Variants in TRAK1 observed in about 807,000 individuals in gnomAD.
TRAK1 encodes the protein trafficking kinesin protein 1, also known as trafficking kinesin-binding protein 1.
In TRAK1, 33 loss-of-function variants were observed where a neutral mutation model predicts 92.1. The observed-to-expected ratio is 0.36, with a 90% CI of 0.27 to 0.48. The LOEUF is 0.48. Ranked by LOEUF, TRAK1 falls within the 20% of genes least tolerant of loss-of-function variation. The pLI, the probability that TRAK1 is intolerant of heterozygous loss-of-function variation, is 0.99. For missense variants in TRAK1, 1,123 were observed against 1,257.9 expected (o/e 0.89, Z 1.62); for synonymous variants, 521 against 517.3 (o/e 1.01, Z -0.10).
chr3:42,086,345 G>T (rs1704675607), upstream of TRAK1, among the ~76,000 whole-genome samples: 1 of 139,110 alleles, frequency 7.2e-6, no homozygotes, highest in Non-Finnish European at 1.5e-5. Context: ...TCACTCTGTT[G>T]CCCAGACTGG....
rs202110753 is a variant in TRAK1 at position 42,131,752 on chromosome 3, AT to A, written c.286+6141del. Among the ~76,000 whole-genome samples the A allele has an allele frequency of 6.5e-3, 951 of 146,614 alleles. 6 individuals are homozygous for A. Among genetic ancestry groups the A allele is most frequent in the African/African-American group, 0.021 (828 of 39,674 alleles). The stretch of plus-strand genomic sequence containing the variant: ...CAACAAACAAATAAAAATAAATAAA[AT>A]TTAAAAAAAAAATACAATCCTTGGC... On this transcript the variant is annotated intron_variant, in intron 2 of 15. Transcript: ENST00000327628.
At chr3:42,022,087 T>C (rs1328646876) in intron 1 of TRAK1, among the ~76,000 whole-genome samples, 1 of 152,196 alleles carries the variant, frequency 6.6e-6, no homozygotes, top group Non-Finnish European at 1.5e-5. Flanking sequence ...CCCCATGGCC[T>C]AAAGCATTGA....
In TRAK1 at chr3:42,223,505, C is replaced by T. The variant is rs770590636; in HGVS notation, c.2630C>T (p.Pro877Leu). Residue 877 changes from proline (P) to leucine (L), a missense_variant, in exon 16 of 16, where the codon CCC becomes CTC. Physicochemically the swap from Pro to Leu is moderately conservative, Grantham distance 98. Around this residue, in one of 3 missense-constraint regions of TRAK1, gnomAD observed 401 missense variants for 438.9 expected, o/e 0.91. Coordinates refer to ENST00000327628, the MANE Select transcript of TRAK1 (RefSeq NM_001042646.3). The surrounding 1 kb of genome is among the most constrained non-coding windows in gnomAD (Gnocchi z 6.1). The stretch of plus-strand genomic sequence containing the variant: ...GAGCAGGGACCCCTCCTCTGTGGGC[C>T]CCCGGGGCCAGCACCAGCCCTTGTT... ...TEEQGPLLCGPPGPAPALVPR... is the reference protein window; with the variant it reads ...TEEQGPLLCGLPGPAPALVPR... The T allele has an allele frequency of 1.4e-5, 22 of 1,613,532 alleles. No individual in the cohort carries two copies. Among genetic ancestry groups the T allele is most frequent in the Non-Finnish European group, 1.5e-5 (18 of 1,179,922 alleles).
chr3:42,161,820 A>C (rs2149305603), intron 2 of TRAK1, among the ~76,000 whole-genome samples: 1 of 152,238 alleles, frequency 6.6e-6, no homozygotes, highest in East Asian at 1.9e-4. Context: ...GTCTTGAAGG[A>C]GATGGGGGAG....
rs111588173 is a variant in TRAK1 at position 42,104,786 on chromosome 3, C to T, written c.91+13226C>T. On this transcript the variant is annotated intron_variant, in intron 1 of 15. Coordinates refer to ENST00000327628, the MANE Select transcript of TRAK1 (RefSeq NM_001042646.3). ...CTGAAAATTCTAAAAATCAGAGCAC[C>T]TCTTCTCCTCCAAAGGAATGCAGCT... 7.4e-3 allele frequency among the ~76,000 whole-genome samples: 1,126 copies of T among 152,288 alleles called. 16 individuals are homozygous for T. The highest frequency in any genetic ancestry group is 0.025 in the African/African-American group (1,033 of 41,556).
At chr3:42,026,682 G>A (rs558837362) in intron 1 of TRAK1, among the ~76,000 whole-genome samples, 13 of 152,006 alleles carry the variant, frequency 8.6e-5, no homozygotes, top group South Asian at 6.2e-4. Flanking sequence ...GTGCCACCAC[G>A]CCTGGCTAAT....
At chr3:42,026,073 AT>A (rs1701903369) in intron 1 of TRAK1, among the ~76,000 whole-genome samples, 1 of 143,804 alleles carries the variant, frequency 7.0e-6, no homozygotes, top group South Asian at 2.2e-4. Flanking sequence ...GCTTTCCTCT[AT>A]TTTTCTGTAT....
intron 1 of TRAK1, among the ~76,000 whole-genome samples, chr3:42,060,940 G>T (rs2148925433): frequency 6.6e-6 from 1 of 151,924 alleles, no homozygotes; most frequent in African/African-American, 2.4e-5. Flanking sequence ...CTTTTTTGTT[G>T]TTGTTGTTTG....
At chr3:42,075,394 C>T (rs1704110905) in intron 1 of TRAK1, among the ~76,000 whole-genome samples, 1 of 149,672 alleles carries the variant, frequency 6.7e-6, no homozygotes, top group South Asian at 2.1e-4. Flanking sequence ...GTTGCCCAGG[C>T]TGGTCTTGAA....
At chr3:42,210,330 G>T in intron 14 of TRAK1, 1 of 1,489,064 alleles carries the variant, frequency 6.7e-7, no homozygotes, top group Non-Finnish European at 8.9e-7. Context: ...GTAACAATGG[G>T]TGTAGCTCCC....
At chr3:42,115,482 G>C (rs893143458) in intron 1 of TRAK1, among the ~76,000 whole-genome samples, 2 of 152,164 alleles carry the variant, frequency 1.3e-5, no homozygotes, top group African/African-American at 4.8e-5. Context: ...TGCTTCTTTG[G>C]GGGTATGTGT....
intron 1 of TRAK1, among the ~76,000 whole-genome samples, chr3:42,031,753 A>G (rs1702155637): frequency 6.6e-6 from 1 of 152,182 alleles, no homozygotes; most frequent in Non-Finnish European, 1.5e-5. Context: ...ACTGTTTTCA[A>G]AATGATCCTT....
intron 1 of TRAK1, among the ~76,000 whole-genome samples, chr3:42,045,131 T>A (rs1368198514): frequency 6.6e-6 from 1 of 152,220 alleles, no homozygotes; most frequent in Non-Finnish European, 1.5e-5. Flanking sequence ...TGTTTGTTTG[T>A]TTTAACTGTA....
intron 1 of TRAK1, among the ~76,000 whole-genome samples, chr3:42,100,665 G>A (rs145252543): frequency 6.6e-6 from 1 of 152,242 alleles, no homozygotes; most frequent in Non-Finnish European, 1.5e-5. Context: ...TACTTTACAA[G>A]ACTTTATTTA....
chr3:42,080,372 T>C (rs930965912), intron 1 of TRAK1, among the ~76,000 whole-genome samples: 1 of 152,150 alleles, frequency 6.6e-6, no homozygotes, highest in Non-Finnish European at 1.5e-5. Context: ...CCTACTACTA[T>C]TCCTGGCACC....
intron 1 of TRAK1, among the ~76,000 whole-genome samples, chr3:42,044,265 A>T (rs569434898): frequency 6.6e-6 from 1 of 151,984 alleles, no homozygotes; most frequent in Non-Finnish European, 1.5e-5. Flanking sequence ...GGCTCAGGCA[A>T]TCCTCCCACC....
rs1700377365 is a variant in TRAK1 at position 42,154,938 on chromosome 3, G to T, written c.287-21876G>T. The stretch of plus-strand genomic sequence containing the variant: ...GACCTTGAAAGATAGGAGGATATGG[G>T]CTAGGGAGGTGGGGACGTTGAGGGT... On this transcript the variant is annotated intron_variant, in intron 2 of 15. Transcript: ENST00000327628. Among the ~76,000 whole-genome samples the T allele has an allele frequency of 2.6e-5, 4 of 152,194 alleles. No homozygotes were observed. In the South Asian group the frequency reaches 8.3e-4, roughly 32 times the overall value.
At chr3:42,053,605 C>T (rs774456926) in intron 1 of TRAK1, among the ~76,000 whole-genome samples, 10 of 152,020 alleles carry the variant, frequency 6.6e-5, no homozygotes, top group South Asian at 6.2e-4. Flanking sequence ...AGGATCTAGG[C>T]CCAGAGGACC....
intron 10 of TRAK1, among the ~76,000 whole-genome samples, chr3:42,197,815 C>T (rs566160387): frequency 2.6e-5 from 4 of 152,326 alleles, no homozygotes; most frequent in East Asian, 1.9e-4. Flanking sequence ...GCCTCCAGAC[C>T]GGAGCATCCG....
Sources: gnomAD v4.1 joint callset for allele counts (sites outside exome capture counted in the v4.1 genomes callset) on GRCh38, gnomAD v4.1.1 for gene constraint, gnomAD v4.1.1 regional missense constraint, Gnocchi (gnomAD v3.1) non-coding constraint, MANE v1.5 for transcripts, NCBI Gene and HGNC (gene_info 2026-07-23, HGNC 2026-07-21) for gene names.